The following OSBPL10 variants were observed in gnomAD, a reference collection of about 807,000 sequenced individuals.
OSBPL10 encodes oxysterol-binding protein-related protein 10.
In OSBPL10, 49 loss-of-function variants were observed where a neutral mutation model predicts 81.7. The observed-to-expected ratio is 0.60, with a 90% CI of 0.48 to 0.76. OSBPL10 has a LOEUF of 0.76. OSBPL10 is among the 30% of genes least tolerant of loss of function. The pLI is 0.00. For synonymous variants in OSBPL10, 419 were observed against 383.6 expected (o/e 1.09, Z -1.08); for missense variants, 923 against 987.8 (o/e 0.93, Z 0.88).
At chr3:31,778,380 C>T (rs1475851902) in intron 4 of OSBPL10, among the ~76,000 whole-genome samples, 1 of 152,132 alleles carries the variant, frequency 6.6e-6, no homozygotes, top group East Asian at 1.9e-4. Flanking sequence ...CTCAGACCCG[C>T]CTAACCCTGC....
intron 1 of OSBPL10, among the ~76,000 whole-genome samples, chr3:31,888,348 G>A (rs1176894497): frequency 6.6e-6 from 1 of 152,126 alleles, no homozygotes; most frequent in Non-Finnish European, 1.5e-5. Flanking sequence ...TGTAAGACCT[G>A]AAAACTACAA....
At chr3:31,789,514 T>A (rs1275110181) in intron 4 of OSBPL10, among the ~76,000 whole-genome samples, 1 of 152,202 alleles carries the variant, frequency 6.6e-6, no homozygotes, top group Non-Finnish European at 1.5e-5. Context: ...AACAAGTCCC[T>A]GAAGGTCCAG....
At chr3:31,962,677 C>G (rs974189459) in intron 1 of OSBPL10, among the ~76,000 whole-genome samples, 7 of 152,170 alleles carry the variant, frequency 4.6e-5, no homozygotes, top group African/African-American at 1.4e-4. Context: ...TAAGTTGTAA[C>G]GCAAGCTCCC....
At chr3:32,060,117 T>C (rs1006967638) in intron 1 of OSBPL10, among the ~76,000 whole-genome samples, 2 of 151,974 alleles carry the variant, frequency 1.3e-5, no homozygotes, top group Admixed American at 6.6e-5. Flanking sequence ...ATATATACAT[T>C]TCTGTATGCA....
chr3:31,859,163 G>GTT (rs948517574), intron 3 of OSBPL10, among the ~76,000 whole-genome samples: 26 of 151,720 alleles, frequency 1.7e-4, no homozygotes, highest in African/African-American at 6.3e-4. Context: ...CAGAAACCAG[G>GTT]TTTTTTTTTT....
intron 4 of OSBPL10, among the ~76,000 whole-genome samples, chr3:31,812,816 A>AAGAAAGAAAGAAAGAAAGAGAGAG (rs1699739630): frequency 3.1e-5 from 1 of 32,424 alleles, no homozygotes; most frequent in Non-Finnish European, 5.7e-5. Context: ...GAAAGAAAGA[A>AAGAAAGAAAGAAAGAAAGAGAGAG]AGAGAAAGAA....
chr3:31,710,066 C>T (rs1057222853), intron 6 of OSBPL10, among the ~76,000 whole-genome samples: 11 of 152,150 alleles, frequency 7.2e-5, no homozygotes, highest in African/African-American at 2.7e-4. Context: ...AATCAGAGAC[C>T]ACCACAGCTT....
rs576104388 is a variant in OSBPL10, at chr3:32,055,432, G to A, written n.186-8829C>T. ...TTGGCCAGGCTGGTCTCCTAACCTC[G>A]TGACCCACCCACATCAGCCCCCCAA... is the stretch of plus-strand genomic sequence containing the variant. On this transcript the variant is annotated intron_variant and non_coding_transcript_variant, in intron 1 of 3. Transcript: ENST00000479173. Among the ~76,000 whole-genome samples, 14 of 151,646 alleles carry A rather than the reference G, an allele frequency of 9.2e-5. No individual in the cohort carries two copies. The South Asian group carries it at 1.5e-3, about 16-fold the overall frequency.
chr3:32,049,942 T>C (rs1383320846), intron 1 of OSBPL10, among the ~76,000 whole-genome samples: 3 of 152,160 alleles, frequency 2.0e-5, no homozygotes, highest in African/African-American at 7.2e-5. Flanking sequence ...CCCTTTCCTC[T>C]CTTTCTATGA....
intron 5 of OSBPL10, among the ~76,000 whole-genome samples, chr3:31,743,698 G>A (rs1348473019): frequency 1.3e-5 from 2 of 152,186 alleles, no homozygotes; most frequent in African/African-American, 4.8e-5. Context: ...AAGGCAAAGA[G>A]CCATCAGGCA....
chr3:31,716,124 A>AG (rs1336244402), intron 6 of OSBPL10, among the ~76,000 whole-genome samples: 2 of 152,180 alleles, frequency 1.3e-5, no homozygotes, highest in Non-Finnish European at 2.9e-5. Flanking sequence ...ATACAAGTCT[A>AG]GGGCCCCCCT....
At chr3:31,663,634 G>A (rs11713436) in intron 11 of OSBPL10, 66,456 of 1,047,754 alleles carry the variant, frequency 0.063, 2,229 homozygotes, top group South Asian at 0.11. Context: ...AGGAGGCAAA[G>A]CTCTGAAAGG....
intron 2 of OSBPL10, among the ~76,000 whole-genome samples, chr3:32,008,876 A>T (rs1310100757): frequency 1.3e-5 from 2 of 152,200 alleles, no homozygotes; most frequent in African/African-American, 4.8e-5. Flanking sequence ...TAAATTTCAG[A>T]GCAATAGTTA....
chr3:31,728,546 A>C (rs1329536044), intron 6 of OSBPL10, among the ~76,000 whole-genome samples: 1 of 152,250 alleles, frequency 6.6e-6, no homozygotes, highest in African/African-American at 2.4e-5. Context: ...TAATCTGTAG[A>C]TCCCATACAT....
intron 4 of OSBPL10, among the ~76,000 whole-genome samples, chr3:31,819,536 G>A (rs1699929938): frequency 6.6e-6 from 1 of 152,204 alleles, no homozygotes; most frequent in Non-Finnish European, 1.5e-5. Flanking sequence ...GTACTGCACA[G>A]GCCAGGGGCC....
intron 4 of OSBPL10, among the ~76,000 whole-genome samples, chr3:31,806,525 G>A (rs1559473040): frequency 6.6e-6 from 1 of 152,134 alleles, no homozygotes; most frequent in Non-Finnish European, 1.5e-5. Context: ...CATATCTATT[G>A]AGCTTCCGCT....
chr3:31,979,064 G>A (rs914632914), intron 1 of OSBPL10, among the ~76,000 whole-genome samples: 2 of 152,172 alleles, frequency 1.3e-5, no homozygotes, highest in African/African-American at 2.4e-5. Context: ...AAAGCATTAA[G>A]TGATTGCTCA....
intron 2 of OSBPL10, among the ~76,000 whole-genome samples, chr3:32,000,148 C>T (rs959216474): frequency 2.6e-5 from 4 of 152,136 alleles, no homozygotes; most frequent in Non-Finnish European, 2.9e-5. Flanking sequence ...TCTTCCTCTA[C>T]CTGGTAAATT....
intron 4 of OSBPL10, among the ~76,000 whole-genome samples, chr3:31,768,501 A>G (rs1025641972): frequency 6.6e-6 from 1 of 152,148 alleles, no homozygotes; most frequent in Non-Finnish European, 1.5e-5. Context: ...AATGTGTAAT[A>G]TTAGTACTCT....
Sources: gnomAD v4.1 joint callset for allele counts (sites outside exome capture counted in the v4.1 genomes callset) on GRCh38, gnomAD v4.1.1 for gene constraint, MANE v1.5 for transcripts, NCBI Gene and HGNC (gene_info 2026-07-23, HGNC 2026-07-21) for gene names.